Variants in GUCY2D observed in about 807,000 individuals in gnomAD.
The protein encoded by GUCY2D is guanylate cyclase 2D, retinal.
In GUCY2D, 70 loss-of-function variants were observed where a neutral mutation model predicts 101.3. That is an observed-to-expected ratio of 0.69 (90% CI 0.57 to 0.84). The LOEUF (loss-of-function observed/expected upper bound fraction) is 0.84, where lower values mean the gene tolerates loss of function less well. Ranked by LOEUF, GUCY2D falls within the 40% of genes least tolerant of loss-of-function variation. The probability of loss-of-function intolerance (pLI) is 0.00; values close to 1 mark genes in which losing one functional copy is unlikely to be tolerated. For missense variants in GUCY2D, 1,460 were observed against 1,542.5 expected (o/e 0.95, Z 0.90); for synonymous variants, 688 against 670.7 (o/e 1.03, Z -0.40).
chr17:8,019,448 C>T lies in GUCY2D; in HGVS notation c.*25-680C>T, dbSNP rs573883571. ...AGAAGTGGAGTGGGCAGGGCTGAGCCAGTTCCTTCCCACCTTCACTCAGCC... is the reference window on the plus strand; with the variant it reads ...AGAAGTGGAGTGGGCAGGGCTGAGCTAGTTCCTTCCCACCTTCACTCAGCC... On this transcript the variant is annotated intron_variant, in intron 19 of 19. Transcript: ENST00000254854. Among the ~76,000 whole-genome samples, 14 of 152,288 alleles carry T rather than the reference C, an allele frequency of 9.2e-5. No individual in the cohort carries two copies. The South Asian group carries it at 2.7e-3, about 29-fold the overall frequency.
rs369920240 is a variant in GUCY2D, at chr17:8,013,620, C to T, written c.2264-260C>T. ...AAACTACTTGATCACCTATCCCTCA[C>T]TTGTCTTACATACAATATGTTAGTT... On this transcript the variant is annotated intron_variant, in intron 11 of 19. Transcript: ENST00000254854. This position sits in a 1 kb window ranked among gnomAD's most constrained non-coding sequence, Gnocchi z 5.0. 5.1e-6 allele frequency: 3 copies of T among 586,202 alleles called. No individual in the cohort carries two copies. Among genetic ancestry groups the T allele is most frequent in the Non-Finnish European group, 9.1e-6 (3 of 328,394 alleles). 36.3% of individuals were successfully genotyped at this position (586,202 alleles called of 1,614,324 possible). A position where few individuals can be genotyped will look rare whatever the true frequency, so the allele number is the denominator to read the frequency against.
chr17:8,003,819 G>C, intron 2 of GUCY2D, 33 bp from the exon 3 acceptor site: 2 of 1,604,364 alleles, frequency 1.2e-6, no homozygotes, highest in Non-Finnish European at 1.7e-6. Context: ...GCCGGCAGCC[G>C]GACGGCGCCG....
intron 19 of GUCY2D, among the ~76,000 whole-genome samples, chr17:8,019,869 C>T (rs565490655): frequency 7.9e-5 from 12 of 152,284 alleles, no homozygotes; most frequent in Admixed American, 3.3e-4. Flanking sequence ...ATGAGAGCAC[C>T]GGGGCCTGGC....
chr17:8,012,348 A>G lies in GUCY2D; in HGVS notation c.1954A>G (p.Lys652Glu). The change falls in exon 9 of 20, where the codon AAG (lysine) becomes GAG (glutamate). Residue 652 changes from lysine to glutamate, a missense_variant and splice_region_variant. Transcript: ENST00000254854. Reference sequence around the variant, plus strand: ...GTCCTCCCTCCTGCTGGACCTTATCAAGGTGTGTGTCTGGGGGTGGTGGGG... The same window carrying G: ...GTCCTCCCTCCTGCTGGACCTTATCGAGGTGTGTGTCTGGGGGTGGTGGGG... The part of the protein sequence containing the change: ...FKSSLLLDLI[K>E]GIRYLHHRGV... 6.2e-7 allele frequency: 1 copy of G among 1,612,506 alleles called. No individual in the cohort carries two copies. Among genetic ancestry groups the G allele is most frequent in the Non-Finnish European group, 8.5e-7 (1 of 1,179,082 alleles).
Position 8,014,737 on chromosome 17 carries a change from AC to A in GUCY2D, c.2551del (p.Arg851GlyfsTer15). On this transcript the variant is annotated frameshift_variant, in exon 13 of 20. Transcript: ENST00000254854. LOFTEE classifies it high-confidence loss of function. This position sits in a 1 kb window ranked among gnomAD's most constrained non-coding sequence, Gnocchi z 4.0. Reference protein sequence around the residue: ...EELELEKQKTDRLLTQMLPPS... With the variant: ...EELELEKQKTXRLLTQMLPPS... ...CTGGAGCTGGAAAAGCAGAAGACAG[AC>A]CGGCTGCTTACACAGATGCTGCCTC... 2 of 1,445,554 alleles carry A rather than the reference AC, an allele frequency of 1.4e-6. No individual in the cohort carries two copies. Among genetic ancestry groups the A allele is most frequent in the Non-Finnish European group, 1.9e-6 (2 of 1,074,882 alleles). 89.5% of individuals were successfully genotyped at this position (1,445,554 alleles called of 1,614,324 possible). A position where few individuals can be genotyped will look rare whatever the true frequency, so the allele number is the denominator to read the frequency against.
chr17:8,004,858 A>G (rs1182373023), intron 3 of GUCY2D, among the ~76,000 whole-genome samples: 3 of 152,140 alleles, frequency 2.0e-5, no homozygotes. Context: ...AGGGGTTGCA[A>G]TTTCCCATCG....
chr17:8,013,079 C>T lies in GUCY2D; in HGVS notation c.2114-24C>T. ...GGGTGGGAGTCTTTCCCCAGCGGCG[C>T]CTCAGCCCCTTCCCCATCCCCAGAC... On this transcript the variant is annotated intron_variant, in intron 10 of 19. Transcript: ENST00000254854. This position sits in a 1 kb window ranked among gnomAD's most constrained non-coding sequence, Gnocchi z 5.0. 8 of 1,606,974 alleles carry T rather than the reference C, an allele frequency of 5.0e-6. No individual in the cohort carries two copies. Among genetic ancestry groups the T allele is most frequent in the Non-Finnish European group, 6.8e-6 (8 of 1,177,364 alleles).
In GUCY2D at chr17:8,003,858, T is replaced by C. The variant is rs763047690; in HGVS notation, c.728T>C (p.Ile243Thr). Residue 243 changes from isoleucine (I) to threonine (T), a missense_variant, in exon 3 of 20, where the codon ATC (isoleucine) becomes ACC (threonine). This residue lies in a region of GUCY2D where 1,196 missense variants were observed against 1,229.6 expected (regional missense o/e 0.97). Transcript: ENST00000254854. The stretch of plus-strand genomic sequence containing the variant: ...GCCAAGCCTCTGTCCGCAGCAGTGA[T>C]CATGGTGATGCACTCGGTGCTGCTG... ...VRDGPRVTAV[I>T]MVMHSVLLGG... 2 of 1,611,870 alleles carry C rather than the reference T, an allele frequency of 1.2e-6. No homozygotes were observed. The highest frequency in any genetic ancestry group is 1.7e-6 in the Non-Finnish European group (2 of 1,179,646).
intron 3 of GUCY2D, among the ~76,000 whole-genome samples, chr17:8,005,060 C>T (rs1175596211): frequency 6.6e-6 from 1 of 152,168 alleles, no homozygotes; most frequent in African/African-American, 2.4e-5. Flanking sequence ...GTAAGTACCA[C>T]AGCAGTCCTC....
intron 16 of GUCY2D, 23 bp downstream of exon 16, chr17:8,015,864 G>A (rs780266997): frequency 3.5e-5 from 56 of 1,605,650 alleles, no homozygotes; most frequent in Non-Finnish European, 4.6e-5. Flanking sequence ...GGGACAAGAC[G>A]GGGAGGTGGG....
intron 5 of GUCY2D, 111 bp downstream of exon 5, chr17:8,007,255 G>T: frequency 1.0e-6 from 1 of 972,676 alleles, no homozygotes; most frequent in Non-Finnish European, 1.7e-6. Flanking sequence ...ATTTTTCTTG[G>T]GGTGAGGGTG....
At position 8,014,438 on chromosome 17, in the gene GUCY2D, C is replaced by T. The variant is rs558513244; in HGVS notation, c.2413-163C>T. The T allele has an allele frequency of 2.2e-4, 161 of 720,070 alleles. No homozygotes were observed. Among genetic ancestry groups the T allele is most frequent in the South Asian group, 2.2e-3 (151 of 68,606 alleles). The allele number at this position is 720,070 out of a possible 1,614,324, so 44.6% of individuals were successfully genotyped here. A position where few individuals can be genotyped will look rare whatever the true frequency, so the allele number is the denominator to read the frequency against. ...TGCCTCCTAATCGTGTCTGAAAACA[C>T]AGTGCCCAGCACCCCGGGGTGCTTG... On this transcript the variant is annotated intron_variant, in intron 12 of 19. Transcript: ENST00000254854. This position sits in a 1 kb window ranked among gnomAD's most constrained non-coding sequence, Gnocchi z 4.0.
chr17:8,019,058 C>T (rs1326666630), intron 19 of GUCY2D, among the ~76,000 whole-genome samples: 1 of 152,002 alleles, frequency 6.6e-6, no homozygotes, highest in East Asian at 1.9e-4. Context: ...AAAACAAAAC[C>T]CGGGCATGCA....
rs576275667 is a variant in GUCY2D, at chr17:8,007,287, C to T, written c.1464-139C>T. ...GGTGTTCTGGTGGGCTGGTAGAGTC[C>T]CAGGGGATGTGTGCTTTGGGGATGG... On this transcript the variant is annotated intron_variant, in intron 5 of 19. Transcript: ENST00000254854. 1.3e-4 allele frequency: 114 copies of T among 896,844 alleles called. No homozygotes were observed. The East Asian group carries it at 2.6e-3, about 21-fold the overall frequency. The allele number at this position is 896,844 out of a possible 1,614,324, so 55.6% of individuals were successfully genotyped here. A position where few individuals can be genotyped will look rare whatever the true frequency, so the allele number is the denominator to read the frequency against.
At position 8,012,501 on chromosome 17, in the gene GUCY2D, C is replaced by T. The variant is rs931906767; in HGVS notation, c.2008C>T (p.Arg670Trp). The part of the protein sequence containing the change: ...RGVAHGRLKS[R>W]NCIVDGRFVL... ...CGTGGCTCATGGGCGGCTGAAGTCA[C>T]GGAACTGCATAGTGGATGGCAGATT... The change falls in exon 10 of 20, where the codon CGG becomes TGG. Residue 670 changes from arginine (R) to tryptophan (W), a missense_variant. Coordinates refer to ENST00000254854, the MANE Select transcript of GUCY2D (RefSeq NM_000180.4). The T allele has an allele frequency of 1.1e-5, 17 of 1,613,828 alleles. No individual in the cohort carries two copies. Among genetic ancestry groups the T allele is most frequent in the South Asian group, 3.3e-5 (3 of 91,090 alleles).
Position 8,003,329 on chromosome 17 carries a change from C to G in GUCY2D, c.282C>G (p.Pro94=). 6.7e-7 allele frequency: 1 copy of G among 1,483,136 alleles called. No homozygotes were observed. The highest frequency in any genetic ancestry group is 2.9e-5 in the East Asian group (1 of 35,052). The allele number at this position is 1,483,136 out of a possible 1,614,324, so 91.9% of individuals were successfully genotyped here. Residue 94 remains proline, a synonymous_variant, in exon 2 of 20, where the codon CCC becomes CCG. Coordinates refer to ENST00000254854, the MANE Select transcript of GUCY2D (RefSeq NM_000180.4). ...GCGACCCCGGCCTGGCAGGCGGTCC[C>G]CGCTTCGAGGTAGCGCTGCTGCCCG... The part of the protein sequence containing the change: ...LNRDPGLAGG[P]RFEVALLPEP...
chr17:8,016,286 C>A lies in GUCY2D; in HGVS notation c.3220C>A (p.Pro1074Thr). ...KPIPKPPDLQ[P>T]GSSNHGISLQ... ...CATCCCCAAACCGCCTGACCTGCAACCGGGGTGAGGGGCCGGCCTCCGCGG... is the reference window on the plus strand; with the variant it reads ...CATCCCCAAACCGCCTGACCTGCAAACGGGGTGAGGGGCCGGCCTCCGCGG... The change falls in exon 18 of 20, where the codon CCG becomes ACG. Residue 1074 changes from proline (P) to threonine (T), a missense_variant. Physicochemically the swap from Pro to Thr is conservative, Grantham distance 38. Transcript: ENST00000254854. 1 of 1,566,108 alleles carries A rather than the reference C, an allele frequency of 6.4e-7. No individual in the cohort carries two copies. The highest frequency in any genetic ancestry group is 8.7e-7 in the Non-Finnish European group (1 of 1,154,110).
At position 8,006,412 on chromosome 17, in the gene GUCY2D, G is replaced by C; in HGVS notation, c.1076G>C (p.Arg359Thr). Residue 359 changes from arginine (R) to threonine (T), a missense_variant, in exon 4 of 20, where the codon AGG becomes ACG. Around this residue, in one of 3 missense-constraint regions of GUCY2D, gnomAD observed 1,196 missense variants for 1,229.6 expected, o/e 0.97. Transcript: ENST00000254854. ...TATGACGCGGTCTTCTTGCTGGCAAGGGGCGTGGCAGAAGCGCGGGCTGCC... is the reference window on the plus strand; with the variant it reads ...TATGACGCGGTCTTCTTGCTGGCAACGGGCGTGGCAGAAGCGCGGGCTGCC... ...TIYDAVFLLA[R>T]GVAEARAAAG... 1 of 1,602,446 alleles carries C rather than the reference G, an allele frequency of 6.2e-7. No individual in the cohort carries two copies. The highest frequency in any genetic ancestry group is 1.1e-5 in the South Asian group (1 of 91,090).
intron 7 of GUCY2D, among the ~76,000 whole-genome samples, chr17:8,009,230 A>C (rs748564718): frequency 2.7e-4 from 41 of 152,176 alleles, no homozygotes; most frequent in Non-Finnish European, 1.2e-4. Flanking sequence ...TTGTGGTTGT[A>C]TTAATGCACT....
Sources: allele counts gnomAD v4.1 joint callset (sites outside exome capture counted in the v4.1 genomes callset), GRCh38; gene constraint gnomAD v4.1.1; regional missense constraint gnomAD v4.1.1; non-coding constraint Gnocchi (gnomAD v3.1); transcripts MANE v1.5; gene names NCBI Gene and HGNC (gene_info 2026-07-23, HGNC 2026-07-21).